DNAJC5B: variants seen among roughly 807,000 people sequenced by gnomAD.
The protein encoded by DNAJC5B is dnaJ homolog subfamily C member 5B.
A neutral mutation model predicts 24.7 loss-of-function variants in DNAJC5B; 23 were observed. The ratio of observed to expected loss-of-function variants is 0.93; its 90% CI spans 0.67 to 1.32. The LOEUF is 1.32. Among genes scored for constraint, DNAJC5B ranks in the 40% most tolerant of loss-of-function variants. The probability of loss-of-function intolerance (pLI) is 0.00; values close to 1 mark genes in which losing one functional copy is unlikely to be tolerated. For missense variants in DNAJC5B, 238 were observed against 240.8 expected, an observed-to-expected ratio of 0.99 and a Z score of 0.08; for synonymous variants, 101 against 90.1, an observed-to-expected ratio of 1.12 and a Z score of -0.68.
At chr8:66,069,250 C>T (rs77866903) in intron 3 of DNAJC5B, among the ~76,000 whole-genome samples, 13,047 of 151,516 alleles carry the variant, frequency 0.086, 937 homozygotes, top group African/African-American at 0.19. Context: ...TAAATATAGA[C>T]CAAATGCTTC....
At chr8:66,059,813 A>ACC (rs1342868148) in intron 3 of DNAJC5B, among the ~76,000 whole-genome samples, 1 of 152,116 alleles carries the variant, frequency 6.6e-6, no homozygotes, top group Non-Finnish European at 1.5e-5. Flanking sequence ...GCTAGACATA[A>ACC]CCTTGGGTGC....
chr8:66,074,302 G>C (rs1807414464), intron 3 of DNAJC5B, among the ~76,000 whole-genome samples: 1 of 152,192 alleles, frequency 6.6e-6, no homozygotes, highest in Non-Finnish European at 1.5e-5. Context: ...TGAAGTGTTG[G>C]ATGGGGCAAG....
chr8:66,038,453 T>C (rs777215751), intron 1 of DNAJC5B, among the ~76,000 whole-genome samples: 10 of 152,214 alleles, frequency 6.6e-5, no homozygotes, highest in Non-Finnish European at 1.3e-4. Flanking sequence ...GCTTTTACCA[T>C]CACCAAACAA....
chr8:66,027,739 T>C (rs986441437), intron 1 of DNAJC5B, among the ~76,000 whole-genome samples: 2 of 152,202 alleles, frequency 1.3e-5, no homozygotes, highest in Non-Finnish European at 2.9e-5. Flanking sequence ...TTCCTCTGCA[T>C]GGTAGGAACT....
chr8:66,024,423 A>AT (rs1806210114), intron 1 of DNAJC5B, among the ~76,000 whole-genome samples: 1 of 117,834 alleles, frequency 8.5e-6, no homozygotes, highest in Non-Finnish European at 1.8e-5. Context: ...TTTTTTTTTA[A>AT]TGTTTTTTTT....
At chr8:66,087,792 C>T (rs1807760307) in intron 5 of DNAJC5B, among the ~76,000 whole-genome samples, 1 of 152,196 alleles carries the variant, frequency 6.6e-6, no homozygotes, top group Non-Finnish European at 1.5e-5. Context: ...GAGGTGGGCC[C>T]TCACAGCCTT....
chr8:66,099,995 CA>C lies in DNAJC5B; in HGVS notation c.567del (p.Glu190LysfsTer42), dbSNP rs1808039410. Reference protein sequence around the residue: ...TNANEKTQLIKEGSRSYCTDS With the variant: ...TNANEKTQLIXEGSRSYCTDS Reference sequence around the variant, plus strand: ...ATGCAAATGAGAAAACACAGCTAATCAAAGAAGGATCTCGAAGTTATTGCAC... The same window carrying C: ...ATGCAAATGAGAAAACACAGCTAATCAAGAAGGATCTCGAAGTTATTGCAC... On this transcript the variant is annotated frameshift_variant, in exon 6 of 6. Coordinates refer to ENST00000276570, the MANE Select transcript of DNAJC5B (RefSeq NM_033105.6). LOFTEE classifies it high-confidence loss of function. 2.5e-6 allele frequency: 4 copies of C among 1,613,840 alleles called. No homozygotes were observed. Among genetic ancestry groups the C allele is most frequent in the Non-Finnish European group, 3.4e-6 (4 of 1,179,930 alleles).
upstream of DNAJC5B, among the ~76,000 whole-genome samples, chr8:66,017,156 A>T (rs1805976872): frequency 6.6e-6 from 1 of 152,206 alleles, no homozygotes. Context: ...AATACAGCAT[A>T]AAATGCCTCT....
intron 1 of DNAJC5B, among the ~76,000 whole-genome samples, chr8:66,030,921 A>G (rs369311443): frequency 3.3e-5 from 5 of 152,154 alleles, no homozygotes; most frequent in African/African-American, 1.2e-4. Context: ...ACAGGCATGA[A>G]TCTTTCCTTA....
At chr8:66,031,674 GA>G (rs1284538483) in intron 1 of DNAJC5B, among the ~76,000 whole-genome samples, 4 of 152,090 alleles carry the variant, frequency 2.6e-5, no homozygotes, top group Admixed American at 1.3e-4. Flanking sequence ...TCTGGAGGCA[GA>G]AAAAAACCAA....
At chr8:66,041,222 T>G (rs548208865) in intron 1 of DNAJC5B, among the ~76,000 whole-genome samples, 1 of 152,318 alleles carries the variant, frequency 6.6e-6, no homozygotes, top group African/African-American at 2.4e-5. Flanking sequence ...AATAATAATA[T>G]TAGTAACAAT....
At chr8:66,026,450 G>C (rs1806245459) in intron 1 of DNAJC5B, among the ~76,000 whole-genome samples, 1 of 152,240 alleles carries the variant, frequency 6.6e-6, no homozygotes, top group Admixed American at 6.5e-5. Flanking sequence ...GCCTTGACAA[G>C]TTTTATTTAA....
At chr8:66,043,896 G>C (rs1391115762) in intron 2 of DNAJC5B, among the ~76,000 whole-genome samples, 1 of 148,356 alleles carries the variant, frequency 6.7e-6, no homozygotes, top group Non-Finnish European at 1.5e-5. Context: ...GCGCCATCTC[G>C]GATCACTGCA....
At chr8:66,032,492 CCA>C (rs1444986414) in intron 1 of DNAJC5B, among the ~76,000 whole-genome samples, 1 of 152,196 alleles carries the variant, frequency 6.6e-6, no homozygotes, top group Non-Finnish European at 1.5e-5. Context: ...TCTCACCACC[CCA>C]CTCTGCTTGG....
At chr8:66,018,425 C>A (rs1424988856), upstream of DNAJC5B, among the ~76,000 whole-genome samples, 2 of 152,070 alleles carry the variant, frequency 1.3e-5, no homozygotes, top group Non-Finnish European at 2.9e-5. Context: ...GAAGCTGAGG[C>A]AGAGAATTGC....
intron 5 of DNAJC5B, among the ~76,000 whole-genome samples, chr8:66,095,415 C>CT (rs763591588): frequency 3.1e-5 from 4 of 129,862 alleles, no homozygotes; most frequent in Non-Finnish European, 6.5e-5. Context: ...CTCTCTCTCT[C>CT]TTTTTTTTAA....
chr8:66,054,324 T>C (rs746244440), intron 3 of DNAJC5B, among the ~76,000 whole-genome samples: 15 of 152,244 alleles, frequency 9.9e-5, no homozygotes, highest in Non-Finnish European at 1.8e-4. Flanking sequence ...ACTTTTGTTT[T>C]ACTATTATGG....
At chr8:66,051,907 A>G (rs549738794) in intron 3 of DNAJC5B, among the ~76,000 whole-genome samples, 14 of 152,186 alleles carry the variant, frequency 9.2e-5, no homozygotes, top group African/African-American at 2.9e-4. Flanking sequence ...CCTGCAGTGA[A>G]AGAGAGAGAG....
chr8:66,100,120 C>A lies in DNAJC5B; in HGVS notation c.*89C>A. 1 of 1,089,024 alleles carries A rather than the reference C, an allele frequency of 9.2e-7. No homozygotes were observed. The highest frequency in any genetic ancestry group is 1.3e-6 in the Non-Finnish European group (1 of 772,554). 67.5% of individuals were successfully genotyped at this position (1,089,024 alleles called of 1,614,324 possible). A position where few individuals can be genotyped will look rare whatever the true frequency, so the allele number is the denominator to read the frequency against. ...AGGGGAGCGTGTGGGGCATAAAGTGCTGTGAACTTTTCCATCTTGTTGTTT... is the reference window on the plus strand; with the variant it reads ...AGGGGAGCGTGTGGGGCATAAAGTGATGTGAACTTTTCCATCTTGTTGTTT... On this transcript the variant is annotated 3_prime_UTR_variant, in exon 6 of 6. Coordinates refer to ENST00000276570, the MANE Select transcript of DNAJC5B (RefSeq NM_033105.6).
Sources: allele counts gnomAD v4.1 joint callset (sites outside exome capture counted in the v4.1 genomes callset), GRCh38; gene constraint gnomAD v4.1.1; transcripts MANE v1.5; gene names NCBI Gene and HGNC (gene_info 2026-07-23, HGNC 2026-07-21).